EGFLAM: variants seen among roughly 807,000 people sequenced by gnomAD.
EGFLAM encodes the protein pikachurin.
EGFLAM carries 79 observed loss-of-function variants against 113.1 expected under a neutral mutation model. The observed-to-expected ratio is 0.70, with a 90% CI of 0.58 to 0.84. The LOEUF is 0.84. Ranked by LOEUF, EGFLAM falls within the 40% of genes least tolerant of loss-of-function variation. The pLI is 0.00. For synonymous variants in EGFLAM, 504 were observed against 487.6 expected, an observed-to-expected ratio of 1.03 and a Z score of -0.44; for missense variants, 1,265 against 1,291.6, an observed-to-expected ratio of 0.98 and a Z score of 0.32.
At chr5:38,294,379 C>T (rs142209144) in intron 1 of EGFLAM, among the ~76,000 whole-genome samples, 1 of 152,174 alleles carries the variant, frequency 6.6e-6, no homozygotes, top group African/African-American at 2.4e-5. Flanking sequence ...ACCTTGCTTA[C>T]TATGAAGCCA....
intron 3 of EGFLAM, 128 bp from the exon 4 acceptor site, chr5:38,350,373 C>T (rs990897370): frequency 8.7e-6 from 8 of 922,268 alleles, no homozygotes; most frequent in East Asian, 4.9e-5. Context: ...CAGTCCTAGA[C>T]AAAGCAAAAC....
chr5:38,344,023 C>A (rs1265979603), intron 3 of EGFLAM, among the ~76,000 whole-genome samples: 1 of 152,162 alleles, frequency 6.6e-6, no homozygotes, highest in Non-Finnish European at 1.5e-5. Flanking sequence ...GTGAATAGGA[C>A]AGCCTCTAGC....
At chr5:38,403,629 A>T (rs1741186455) in intron 6 of EGFLAM, 1 of 678,446 alleles carries the variant, frequency 1.5e-6, no homozygotes, top group Non-Finnish European at 2.3e-6. Flanking sequence ...CCCAGGCAGG[A>T]TGGAGCAGGG....
intron 1 of EGFLAM, among the ~76,000 whole-genome samples, chr5:38,318,773 G>A (rs1738667713): frequency 6.6e-6 from 1 of 152,050 alleles, no homozygotes; most frequent in African/African-American, 2.4e-5. Flanking sequence ...CAAAGTGTCA[G>A]GATTACAGGC....
At chr5:38,277,632 G>A (rs1267422005) in intron 1 of EGFLAM, among the ~76,000 whole-genome samples, 1 of 152,170 alleles carries the variant, frequency 6.6e-6, no homozygotes, top group African/African-American at 2.4e-5. Flanking sequence ...CCTCTTTGCA[G>A]ATGACATGAT....
chr5:38,354,102 A>G (rs1365484408), intron 5 of EGFLAM, among the ~76,000 whole-genome samples: 1 of 152,190 alleles, frequency 6.6e-6, no homozygotes, highest in Non-Finnish European at 1.5e-5. Flanking sequence ...CTCAAAGGAA[A>G]ATTGTGGTAC....
chr5:38,283,599 C>G (rs767940508), intron 1 of EGFLAM, among the ~76,000 whole-genome samples: 1 of 152,058 alleles, frequency 6.6e-6, no homozygotes, highest in Non-Finnish European at 1.5e-5. Context: ...CCTGCCTGGT[C>G]TAGGGCAGAC....
At chr5:38,292,953 C>G (rs528977897) in intron 1 of EGFLAM, among the ~76,000 whole-genome samples, 2 of 152,168 alleles carry the variant, frequency 1.3e-5, no homozygotes, top group Non-Finnish European at 2.9e-5. Context: ...CAGAGTTATC[C>G]TGGTGAAAAG....
rs557560033 is a variant in EGFLAM, at chr5:38,428,745, A to T, written c.2054+1493A>T. Among the ~76,000 whole-genome samples the T allele has an allele frequency of 3.3e-5, 5 of 152,342 alleles. No homozygotes were observed. The South Asian group carries it at 1.0e-3, about 32-fold the overall frequency. ...GTCACAAGCACATGGAACCCTTAGA[A>T]GTCCAGCATTTCTCTCTTTCATAAC... On this transcript the variant is annotated intron_variant, in intron 14 of 21. Coordinates refer to ENST00000322350, the MANE Select transcript of EGFLAM (RefSeq NM_152403.4).
At chr5:38,264,326 A>T (rs1757578243) in intron 1 of EGFLAM, among the ~76,000 whole-genome samples, 1 of 152,134 alleles carries the variant, frequency 6.6e-6, no homozygotes, top group Admixed American at 6.5e-5. Flanking sequence ...CCTTAGCACG[A>T]TGCAGCTCTC....
intron 12 of EGFLAM, among the ~76,000 whole-genome samples, chr5:38,422,250 A>G (rs766604799): frequency 2.6e-5 from 4 of 152,088 alleles, no homozygotes; most frequent in Non-Finnish European, 5.9e-5. Flanking sequence ...GGCGCTGGTG[A>G]AAGTGACTTT....
intron 5 of EGFLAM, among the ~76,000 whole-genome samples, chr5:38,364,280 T>C (rs1161878793): frequency 1.3e-5 from 2 of 152,110 alleles, no homozygotes; most frequent in Non-Finnish European, 2.9e-5. Flanking sequence ...GTGAGTGTTG[T>C]AGGCAGGCAT....
chr5:38,458,524 G>C, intron 20 of EGFLAM, 130 bp downstream of exon 20: 1 of 793,982 alleles, frequency 1.3e-6, no homozygotes, highest in Non-Finnish European at 1.9e-6. Context: ...CTGATCCAGG[G>C]CATTCAGGGA....
intron 5 of EGFLAM, among the ~76,000 whole-genome samples, chr5:38,359,076 CT>C (rs894879503): frequency 7.9e-5 from 12 of 152,202 alleles, no homozygotes; most frequent in African/African-American, 2.6e-4. Flanking sequence ...TCTGAGAAAC[CT>C]TCCCCCTTCT....
chr5:38,449,455 CCTT>C (rs1273421882), intron 18 of EGFLAM, among the ~76,000 whole-genome samples: 4 of 152,214 alleles, frequency 2.6e-5, no homozygotes, highest in Admixed American at 6.5e-5. Context: ...AGACCGTCCT[CCTT>C]CTTCAGCCCT....
At chr5:38,446,902 T>G (rs1447118098) in intron 17 of EGFLAM, among the ~76,000 whole-genome samples, 1 of 152,344 alleles carries the variant, frequency 6.6e-6, no homozygotes, top group East Asian at 1.9e-4. Flanking sequence ...ATCAAATAAT[T>G]CTACATTTCC....
intron 1 of EGFLAM, among the ~76,000 whole-genome samples, chr5:38,289,730 C>T (rs1238695628): frequency 6.6e-6 from 1 of 152,154 alleles, no homozygotes; most frequent in Non-Finnish European, 1.5e-5. Flanking sequence ...ACACTGAAGG[C>T]AAGAATTCTA....
rs138757328 is a variant in EGFLAM at position 38,314,563 on chromosome 5, A to T, written c.98-22957A>T. Among the ~76,000 whole-genome samples the T allele has an allele frequency of 8.9e-4, 136 of 152,320 alleles. 1 individual carries two copies. The Middle Eastern group carries it at 0.01, about 11-fold the overall frequency. On this transcript the variant is annotated intron_variant, in intron 1 of 21. Transcript: ENST00000322350. ...TGAAAAGAGATCCTCAGGGATGTAC[A>T]TGTGACCCTAGAAGGGCTCCCAGGC...
In EGFLAM at chr5:38,427,225, A is replaced by G. The variant is rs200721517; in HGVS notation, c.2027A>G (p.Asp676Gly). The G allele has an allele frequency of 6.2e-7, 1 of 1,614,098 alleles. No individual in the cohort carries two copies. Among genetic ancestry groups the G allele is most frequent in the East Asian group, 2.2e-5 (1 of 44,880 alleles). The change falls in exon 14 of 22, where the codon GAC becomes GGC. Residue 676 changes from aspartate (D) to glycine (G), a missense_variant. Physicochemically the swap from Asp to Gly is moderately conservative, Grantham distance 94. Coordinates refer to ENST00000322350, the MANE Select transcript of EGFLAM (RefSeq NM_152403.4). ...GGGGGCCACGTGGAGTTCCGCTTTG[A>G]CTGTGGCTCTGGGACCGGTGTCCTC... ...LAGGHVEFRF[D>G]CGSGTGVLRS...
Sources: gnomAD v4.1 joint callset for allele counts (sites outside exome capture counted in the v4.1 genomes callset) on GRCh38, gnomAD v4.1.1 for gene constraint, MANE v1.5 for transcripts, NCBI Gene and HGNC (gene_info 2026-07-23, HGNC 2026-07-21) for gene names.